BRD10: variants seen among roughly 807,000 people sequenced by gnomAD.
The protein encoded by BRD10 is bromodomain containing 10.
the BRD10 span, chr9:5,922,991 C>A: frequency 6.2e-7 from 1 of 1,613,902 alleles, no homozygotes; most frequent in South Asian, 1.1e-5. Context: ...GGGTTTGGTC[C>A]CTTTCTGGAG....
the BRD10 span, among the ~76,000 whole-genome samples, chr9:5,936,923 G>C: frequency 6.6e-6 from 1 of 152,134 alleles, no homozygotes; most frequent in African/African-American, 2.4e-5. Context: ...ATAAGGGTAT[G>C]TGATACGTGA....
At chr9:6,004,916 A>T in the BRD10 span, among the ~76,000 whole-genome samples, 1 of 152,160 alleles carries the variant, frequency 6.6e-6, no homozygotes, top group Non-Finnish European at 1.5e-5. Context: ...CGCAAACCTG[A>T]TGTGTTTGCA....
the BRD10 span, chr9:5,922,561 T>C: frequency 6.2e-7 from 1 of 1,613,968 alleles, no homozygotes; most frequent in East Asian, 2.2e-5. Flanking sequence ...AAGAAGAATT[T>C]ATATTTGTTG....
the BRD10 span, chr9:5,920,041 G>A: frequency 5.0e-6 from 8 of 1,613,848 alleles, no homozygotes; most frequent in Non-Finnish European, 5.1e-6. Flanking sequence ...TTGTGTTTAT[G>A]AGTTGTGGTG....
the BRD10 span, among the ~76,000 whole-genome samples, chr9:5,945,202 C>T: frequency 7.2e-5 from 11 of 152,058 alleles, no homozygotes; most frequent in Non-Finnish European, 1.6e-4. Flanking sequence ...CACATCCCCA[C>T]CTTTCAGTTT....
the BRD10 span, among the ~76,000 whole-genome samples, chr9:5,912,766 T>C: frequency 2.0e-5 from 3 of 152,154 alleles, no homozygotes; most frequent in Admixed American, 6.5e-5. Flanking sequence ...TGCCCTGACA[T>C]ACCTGTGGGC....
the BRD10 span, among the ~76,000 whole-genome samples, chr9:5,917,151 G>T: frequency 7.2e-5 from 11 of 152,310 alleles, no homozygotes; most frequent in Non-Finnish European, 1.3e-4. Context: ...GATTGATAAG[G>T]TTCCTGAAAT....
chr9:5,922,814 G>C, the BRD10 span: 2 of 1,613,826 alleles, frequency 1.2e-6, no homozygotes, highest in Admixed American at 3.3e-5. Flanking sequence ...CATTTGTAAA[G>C]GACCTTTTGT....
chr9:5,884,519 C>T, the BRD10 span, among the ~76,000 whole-genome samples: 6 of 152,168 alleles, frequency 3.9e-5, no homozygotes, highest in African/African-American at 1.4e-4. Flanking sequence ...CGTCCTCACC[C>T]GAAGTTATGG....
At chr9:5,957,275 G>A in the BRD10 span, among the ~76,000 whole-genome samples, 1 of 152,092 alleles carries the variant, frequency 6.6e-6, no homozygotes, top group South Asian at 2.1e-4. Flanking sequence ...TCACTCATGT[G>A]TCACACAGTA....
the BRD10 span, chr9:5,906,855 C>G: frequency 7.2e-7 from 1 of 1,390,572 alleles, no homozygotes; most frequent in Non-Finnish European, 9.8e-7. Flanking sequence ...CTTCTTCTCA[C>G]CCACTCACCT....
chr9:5,887,517 C>T, the BRD10 span, among the ~76,000 whole-genome samples: 3 of 152,224 alleles, frequency 2.0e-5, no homozygotes, highest in Non-Finnish European at 4.4e-5. Flanking sequence ...CCTCTGTGGT[C>T]TTGCCACCAG....
chr9:5,980,668 A>T, the BRD10 span, among the ~76,000 whole-genome samples: 8 of 152,056 alleles, frequency 5.3e-5, no homozygotes, highest in Non-Finnish European at 1.2e-4. Flanking sequence ...ACACACACAC[A>T]ATGTATATGT....
chr9:5,932,894 CTTATT>C, the BRD10 span, among the ~76,000 whole-genome samples: 1 of 152,046 alleles, frequency 6.6e-6, no homozygotes, highest in Non-Finnish European at 1.5e-5. Flanking sequence ...ATCTCTAAGA[CTTATT>C]TTAACTTTTA....
At chr9:6,007,506 G>C in the BRD10 span, 3 of 1,612,716 alleles carry the variant, frequency 1.9e-6, no homozygotes, top group Non-Finnish European at 2.5e-6. Flanking sequence ...TGAGGCCCCG[G>C]TGCTTCTCCT....
the BRD10 span, chr9:5,968,097 A>G: frequency 6.4e-7 from 1 of 1,567,316 alleles, no homozygotes; most frequent in Non-Finnish European, 8.7e-7. Context: ...TAAGACTTGA[A>G]TGCAAGAGAA....
the BRD10 span, among the ~76,000 whole-genome samples, chr9:5,975,255 G>A: frequency 6.6e-6 from 1 of 151,316 alleles, no homozygotes; most frequent in Admixed American, 6.6e-5. Flanking sequence ...GACCAACATG[G>A]TGAAACTCTG....
the BRD10 span, among the ~76,000 whole-genome samples, chr9:5,916,890 G>C: frequency 6.6e-6 from 1 of 152,072 alleles, no homozygotes; most frequent in Non-Finnish European, 1.5e-5. Context: ...TAAACACAAT[G>C]AATTCAGGAA....
At chr9:5,935,481 T>C in the BRD10 span, among the ~76,000 whole-genome samples, 1 of 152,178 alleles carries the variant, frequency 6.6e-6, no homozygotes, top group Non-Finnish European at 1.5e-5. Context: ...TAAGAGACAA[T>C]GTGCTACCAT....
Sources: allele counts gnomAD v4.1 joint callset (sites outside exome capture counted in the v4.1 genomes callset), GRCh38; gene constraint gnomAD v4.1.1; transcripts MANE v1.5; gene names NCBI Gene and HGNC (gene_info 2026-07-23, HGNC 2026-07-21).